IQCM: variants seen among roughly 807,000 people sequenced by gnomAD.
The protein encoded by IQCM is IQ domain-containing protein M.
IQCM carries 45 observed loss-of-function variants against 57.6 expected under a neutral mutation model. The observed-to-expected ratio is 0.78, with a 90% confidence interval of 0.62 to 1.00. The LOEUF is 1.00. IQCM is among the 50% of genes least tolerant of loss of function. The probability of loss-of-function intolerance (pLI) is 0.00; values close to 1 mark genes in which losing one functional copy is unlikely to be tolerated. For synonymous variants in IQCM, 148 were observed against 158.9 expected (o/e 0.93, Z 0.51); for missense variants, 468 against 511.6 (o/e 0.91, Z 0.82).
intron 12 of IQCM, among the ~76,000 whole-genome samples, chr4:149,440,458 C>T (rs1414111382): frequency 1.3e-5 from 2 of 152,038 alleles, no homozygotes; most frequent in Non-Finnish European, 1.5e-5. Flanking sequence ...CAGTTAATTA[C>T]ACAGTTAAAT....
At chr4:149,400,055 T>C (rs1049300552) in intron 13 of IQCM, among the ~76,000 whole-genome samples, 18 of 152,058 alleles carry the variant, frequency 1.2e-4, no homozygotes, top group African/African-American at 4.1e-4. Context: ...TCAATACTTT[T>C]GTTGCTTATG....
At chr4:149,422,349 T>A (rs924407460) in intron 13 of IQCM, among the ~76,000 whole-genome samples, 1 of 151,852 alleles carries the variant, frequency 6.6e-6, no homozygotes, top group African/African-American at 2.4e-5. Flanking sequence ...AGGCAACAAG[T>A]TTACAAGGCT....
At chr4:149,453,416 A>C (rs1737348632) in intron 12 of IQCM, among the ~76,000 whole-genome samples, 1 of 151,888 alleles carries the variant, frequency 6.6e-6, no homozygotes, top group African/African-American at 2.4e-5. Flanking sequence ...AAAGGAAACC[A>C]TCAAGGAAAT....
chr4:149,361,094 C>G (rs948158884), intron 13 of IQCM, among the ~76,000 whole-genome samples: 1 of 152,154 alleles, frequency 6.6e-6, no homozygotes, highest in Admixed American at 6.5e-5. Flanking sequence ...TACATTTTAG[C>G]AAAGAGACTG....
intron 5 of IQCM, among the ~76,000 whole-genome samples, chr4:149,721,489 T>C (rs1765445525): frequency 6.6e-6 from 1 of 152,102 alleles, no homozygotes; most frequent in Admixed American, 6.6e-5. Flanking sequence ...TACCACTCTA[T>C]ATGCCTTTGT....
intron 7 of IQCM, among the ~76,000 whole-genome samples, chr4:149,636,602 G>T (rs1396760266): frequency 6.6e-6 from 1 of 152,076 alleles, no homozygotes; most frequent in Non-Finnish European, 1.5e-5. Flanking sequence ...ACTGATAGCA[G>T]GCAATTATTT....
At chr4:149,695,619 C>T (rs559416870) in intron 5 of IQCM, among the ~76,000 whole-genome samples, 7 of 152,052 alleles carry the variant, frequency 4.6e-5, no homozygotes, top group Non-Finnish European at 7.4e-5. Context: ...ATTATAGTGT[C>T]AATATATTTT....
In IQCM at chr4:149,546,171, T is replaced by C. The variant is rs534888759; in HGVS notation, c.1228+2284A>G. Reference sequence around the variant, plus strand: ...ACTCATCTTTTTTATGGCTGCATAGTATTCCATGGTGTATATGTGCCACAT... The same window carrying C: ...ACTCATCTTTTTTATGGCTGCATAGCATTCCATGGTGTATATGTGCCACAT... On this transcript the variant is annotated intron_variant, in intron 12 of 13. Coordinates refer to ENST00000636793, the MANE Select transcript of IQCM (RefSeq NM_001363507.2). 2.6e-4 allele frequency among the ~76,000 whole-genome samples: 39 copies of C among 152,348 alleles called. No individual in the cohort carries two copies. The East Asian group carries it at 4.8e-3, about 19-fold the overall frequency.
At chr4:149,645,538 G>C (rs922101868) in intron 7 of IQCM, among the ~76,000 whole-genome samples, 6 of 152,156 alleles carry the variant, frequency 3.9e-5, no homozygotes, top group African/African-American at 1.2e-4. Context: ...CCCCTCTGAT[G>C]CTCCCCTTAA....
intron 8 of IQCM, among the ~76,000 whole-genome samples, chr4:149,594,167 C>A (rs1266903094): frequency 6.6e-6 from 1 of 152,160 alleles, no homozygotes; most frequent in Non-Finnish European, 1.5e-5. Context: ...GATTCAACTT[C>A]TTCCTGGTTT....
chr4:149,474,782 A>G (rs1740000418), intron 12 of IQCM, among the ~76,000 whole-genome samples: 1 of 152,050 alleles, frequency 6.6e-6, no homozygotes, highest in Non-Finnish European at 1.5e-5. Context: ...GAGAAGTATC[A>G]TTTGAGCTAA....
chr4:149,406,657 A>C (rs1732999848), intron 13 of IQCM, among the ~76,000 whole-genome samples: 1 of 152,202 alleles, frequency 6.6e-6, no homozygotes, highest in Non-Finnish European at 1.5e-5. Flanking sequence ...CAGTGTCATG[A>C]TCATCACACA....
At chr4:149,747,331 T>C (rs1370064565) in intron 2 of IQCM, among the ~76,000 whole-genome samples, 1 of 152,224 alleles carries the variant, frequency 6.6e-6, no homozygotes. Context: ...TGTCAAAATC[T>C]GCAGATGCTC....
At chr4:149,675,584 G>A (rs1761681439) in intron 7 of IQCM, among the ~76,000 whole-genome samples, 1 of 152,130 alleles carries the variant, frequency 6.6e-6, no homozygotes. Context: ...GGTTTGAGGG[G>A]TGACATCAGA....
intron 13 of IQCM, among the ~76,000 whole-genome samples, chr4:149,396,702 A>T (rs1364009404): frequency 2.0e-5 from 3 of 151,966 alleles, no homozygotes; most frequent in Admixed American, 1.3e-4. Context: ...CCTATTGATT[A>T]GTGACTCCTC....
Position 149,613,036 on chromosome 4 carries a change from A to G in IQCM, c.681+8093T>C, listed in dbSNP as rs145114248. On this transcript the variant is annotated intron_variant, in intron 8 of 13. Coordinates refer to ENST00000636793, the MANE Select transcript of IQCM (RefSeq NM_001363507.2). ...AACAAAATGACCCCCCAAAATTAGG[A>G]AATCATATGAATAAAAAGAATTTTT... Among the ~76,000 whole-genome samples, 390 of 152,226 alleles carry G rather than the reference A, an allele frequency of 2.6e-3. 1 individual carries two copies. Among genetic ancestry groups the G allele is most frequent in the Middle Eastern group, 0.01 (3 of 294 alleles).
intron 13 of IQCM, among the ~76,000 whole-genome samples, chr4:149,417,465 A>G (rs560261078): frequency 6.6e-6 from 1 of 152,236 alleles, no homozygotes; most frequent in Admixed American, 6.5e-5. Context: ...CTTTGGTTCC[A>G]CTGGAACTAA....
At chr4:149,704,588 C>T (rs547010030) in intron 5 of IQCM, among the ~76,000 whole-genome samples, 36 of 151,738 alleles carry the variant, frequency 2.4e-4, no homozygotes, top group South Asian at 4.2e-4. Context: ...AAAAGTTCTC[C>T]GGACAGAGTA....
At chr4:149,796,644 G>T (rs759778790) in intron 2 of IQCM, among the ~76,000 whole-genome samples, 1 of 152,154 alleles carries the variant, frequency 6.6e-6, no homozygotes, top group Non-Finnish European at 1.5e-5. Context: ...TTTACACAGT[G>T]CAGTCATAGT....
Sources: allele counts gnomAD v4.1 joint callset (sites outside exome capture counted in the v4.1 genomes callset), GRCh38; gene constraint gnomAD v4.1.1; transcripts MANE v1.5; gene names NCBI Gene and HGNC (gene_info 2026-07-23, HGNC 2026-07-21).